The following SEMA3F variants were observed in gnomAD, a reference collection of about 807,000 sequenced individuals.
SEMA3F encodes semaphorin 3F, also known as semaphorin-3F.
SEMA3F carries 30 observed loss-of-function variants against 98.5 expected under a neutral mutation model. The observed-to-expected ratio is 0.30, with a 90% CI of 0.23 to 0.41. SEMA3F has a LOEUF of 0.41. Among genes scored for constraint, SEMA3F ranks in the 10% least tolerant of loss-of-function variants. The pLI, the probability that SEMA3F is intolerant of heterozygous loss-of-function variation, is 1.00. For synonymous variants in SEMA3F, 380 were observed against 444.8 expected (o/e 0.85, Z 1.83); for missense variants, 866 against 1,119.3 (o/e 0.77, Z 3.23).
At chr3:50,184,849 G>T (rs1360520124) in intron 13 of SEMA3F, 35 bp downstream of exon 13, 1 of 1,535,524 alleles carries the variant, frequency 6.5e-7, no homozygotes. Flanking sequence ...TCCCACGCTG[G>T]GCCCACCGGG....
intron 2 of SEMA3F, among the ~76,000 whole-genome samples, chr3:50,164,915 G>A (rs1432650935): frequency 6.6e-6 from 1 of 152,244 alleles, no homozygotes; most frequent in Non-Finnish European, 1.5e-5. Flanking sequence ...TGTGAGTATG[G>A]TCACTGTGGA....
chr3:50,170,362 C>T (rs1698556870), intron 2 of SEMA3F, among the ~76,000 whole-genome samples: 1 of 152,080 alleles, frequency 6.6e-6, no homozygotes, highest in African/African-American at 2.4e-5. Flanking sequence ...CTCTTCCTGC[C>T]TTATAGCCCT....
At chr3:50,160,861 T>C (rs1698179826) in intron 2 of SEMA3F, among the ~76,000 whole-genome samples, 3 of 152,250 alleles carry the variant, frequency 2.0e-5, no homozygotes, top group Admixed American at 2.0e-4. Context: ...AAGCTGCTTA[T>C]CATCACTCTT....
In SEMA3F at chr3:50,156,919, A is replaced by G. The variant is rs1014503158; in HGVS notation, c.-49+1355A>G. 4.6e-5 allele frequency among the ~76,000 whole-genome samples: 7 copies of G among 151,714 alleles called. No individual in the cohort carries two copies. Among genetic ancestry groups the G allele is most frequent in the Admixed American group, 3.9e-4 (6 of 15,240 alleles). ...CAAAAGGGGGGTTTCAGTCCCAGCT[A>G]TGCTGGGGTGGCTCTGCTTCCTGGT... On this transcript the variant is annotated intron_variant, in intron 1 of 18. Transcript: ENST00000002829. The surrounding 1 kb of genome is among the most constrained non-coding windows in gnomAD (Gnocchi z 4.5).
chr3:50,172,947 G>A (rs1232112895), intron 2 of SEMA3F, among the ~76,000 whole-genome samples: 1 of 152,200 alleles, frequency 6.6e-6, no homozygotes, highest in Non-Finnish European at 1.5e-5. Flanking sequence ...GAGCGTGGGA[G>A]CATTAACCCC....
intron 2 of SEMA3F, among the ~76,000 whole-genome samples, chr3:50,171,163 A>G (rs988722936): frequency 6.6e-6 from 1 of 152,142 alleles, no homozygotes; most frequent in Non-Finnish European, 1.5e-5. Flanking sequence ...ACCTCCACCC[A>G]GGGGCAGACT....
In SEMA3F at chr3:50,174,284, G is replaced by C. The variant is rs543688948; in HGVS notation, c.390G>C (p.Leu130=). 20 of 1,613,572 alleles carry C rather than the reference G, an allele frequency of 1.2e-5. No individual in the cohort carries two copies. In the South Asian group the frequency reaches 1.9e-4, roughly 15 times the overall value. The part of the protein sequence containing the change: ...RLIQPWNRTH[L]YVCGTGAYNP... ...TCCAGCCCTGGAACCGAACACACCT[G>C]TATGTGTGCGGGACAGGTGCCTACA... Residue 130 remains leucine, a synonymous_variant, in exon 5 of 19, where the codon CTG becomes CTC. Transcript: ENST00000002829.
Position 50,188,174 on chromosome 3 carries a change from G to T in SEMA3F, c.*59G>T, listed in dbSNP as rs1330861833. 20 of 299,252 alleles carry T rather than the reference G, an allele frequency of 6.7e-5. No individual in the cohort carries two copies. The highest frequency in any genetic ancestry group is 4.4e-4 in the East Asian group (6 of 13,540). 18.5% of individuals were successfully genotyped at this position (299,252 alleles called of 1,614,324 possible). A position where few individuals can be genotyped will look rare whatever the true frequency, so the allele number is the denominator to read the frequency against. On this transcript the variant is annotated 3_prime_UTR_variant, in exon 19 of 19. Coordinates refer to ENST00000002829, the MANE Select transcript of SEMA3F (RefSeq NM_004186.5). This position sits in a 1 kb window ranked among gnomAD's most constrained non-coding sequence, Gnocchi z 4.5. ...AGCCCTTGTCCCTTTTAATATAAAAGATATATATATATATATATATATATA... is the reference window on the plus strand; with the variant it reads ...AGCCCTTGTCCCTTTTAATATAAAATATATATATATATATATATATATATA...
chr3:50,180,374 G>A (rs1457465018), intron 7 of SEMA3F, among the ~76,000 whole-genome samples: 1 of 151,956 alleles, frequency 6.6e-6, no homozygotes, highest in African/African-American at 2.4e-5. Context: ...TGTTGGCCAG[G>A]CTGGTCTCCT....
chr3:50,185,951 G>T lies in SEMA3F; in HGVS notation c.1650G>T (p.Ala550=), dbSNP rs551534833. The T allele has an allele frequency of 6.2e-7, 1 of 1,614,048 alleles. No homozygotes were observed. Among genetic ancestry groups the T allele is most frequent in the East Asian group, 2.2e-5 (1 of 44,876 alleles). Residue 550 remains alanine, a synonymous_variant, in exon 16 of 19, where the codon GCG becomes GCT. Transcript: ENST00000002829. ...ACCTGAGCCTGCACCGCTGCCAGGC[G>T]TATGGGGCTGCCTGTGCTGACTGCT... ...VTHLSLHRCQ[A]YGAACADCCL...
At position 50,175,258 on chromosome 3, in the gene SEMA3F, C is replaced by T. The variant is rs568142026; in HGVS notation, c.549+70C>T. The stretch of plus-strand genomic sequence containing the variant: ...GAGCGGAACTCACCCTGGGCCTGCA[C>T]CTGAGGCCAGCCTCCCCAGGGCCTC... On this transcript the variant is annotated intron_variant, in intron 6 of 18. Coordinates refer to ENST00000002829, the MANE Select transcript of SEMA3F (RefSeq NM_004186.5). 5.3e-6 allele frequency: 6 copies of T among 1,134,378 alleles called. No homozygotes were observed. In the Admixed American group the frequency reaches 6.0e-5, roughly 11 times the overall value. 70.3% of individuals were successfully genotyped at this position (1,134,378 alleles called of 1,614,324 possible).
chr3:50,166,444 C>T lies in SEMA3F; in HGVS notation c.112+6710C>T, dbSNP rs886829728. On this transcript the variant is annotated intron_variant, in intron 2 of 18. Transcript: ENST00000002829. This position sits in a 1 kb window ranked among gnomAD's most constrained non-coding sequence, Gnocchi z 4.7. The stretch of plus-strand genomic sequence containing the variant: ...CTGCCTGTATTGCCATTTTTATCAG[C>T]GCCTTCCTGGCTGGGCCTGGGGCCT... Among the ~76,000 whole-genome samples the T allele has an allele frequency of 1.3e-5, 2 of 152,198 alleles. No homozygotes were observed. Among genetic ancestry groups the T allele is most frequent in the African/African-American group, 2.4e-5 (1 of 41,446 alleles).
chr3:50,181,605 A>G (rs1699019747), intron 7 of SEMA3F, among the ~76,000 whole-genome samples: 1 of 149,432 alleles, frequency 6.7e-6, no homozygotes, highest in East Asian at 2.0e-4. Context: ...TACAGGAGGC[A>G]TAAGCCACCA....
intron 2 of SEMA3F, chr3:50,173,510 C>G: frequency 2.5e-6 from 1 of 406,734 alleles, no homozygotes; most frequent in South Asian, 3.6e-5. Context: ...GGTGTGGTGG[C>G]TGACGCCTGT....
chr3:50,172,330 GTTCC>G lies in SEMA3F; in HGVS notation c.113-1462_113-1459del, dbSNP rs1698644797. 2.0e-5 allele frequency among the ~76,000 whole-genome samples: 3 copies of G among 152,268 alleles called. No individual in the cohort carries two copies. The East Asian group carries it at 5.8e-4, about 29-fold the overall frequency. ...GAATATTCATCATCCTCATTACAGT[GTTCC>G]CTCTTTTGCTGAGCTAAAGATAGCT... On this transcript the variant is annotated intron_variant, in intron 2 of 18. Transcript: ENST00000002829.
chr3:50,179,938 A>G (rs560857146), intron 7 of SEMA3F, among the ~76,000 whole-genome samples: 1 of 152,344 alleles, frequency 6.6e-6, no homozygotes, highest in South Asian at 2.1e-4. Context: ...CACGTAAACC[A>G]GTAAAACTTT....
In SEMA3F at chr3:50,182,560, T is replaced by G. The variant is rs942578247; in HGVS notation, c.764-84T>G. The G allele has an allele frequency of 1.3e-6, 2 of 1,583,440 alleles. No individual in the cohort carries two copies. Among genetic ancestry groups the G allele is most frequent in the Non-Finnish European group, 1.7e-6 (2 of 1,160,560 alleles). The stretch of plus-strand genomic sequence containing the variant: ...TCTGGAGAGGAGTTGGGGGTGTTCT[T>G]GCACCTGGCTGGGGATTCTGTTGGA... On this transcript the variant is annotated intron_variant, in intron 8 of 18. Transcript: ENST00000002829. This position sits in a 1 kb window ranked among gnomAD's most constrained non-coding sequence, Gnocchi z 4.5.
At chr3:50,165,907 G>A (rs756704230) in intron 2 of SEMA3F, among the ~76,000 whole-genome samples, 2 of 152,188 alleles carry the variant, frequency 1.3e-5, no homozygotes, top group Non-Finnish European at 2.9e-5. Context: ...TAGGATTGGG[G>A]GGCTAGCCTG....
intron 2 of SEMA3F, among the ~76,000 whole-genome samples, chr3:50,171,846 G>C (rs1211481303): frequency 6.6e-6 from 1 of 152,184 alleles, no homozygotes. Flanking sequence ...AGGCAGGATC[G>C]GCCCTTTGAT....
Sources: gnomAD v4.1 joint callset for allele counts (sites outside exome capture counted in the v4.1 genomes callset) on GRCh38, gnomAD v4.1.1 for gene constraint, Gnocchi (gnomAD v3.1) non-coding constraint, MANE v1.5 for transcripts, NCBI Gene and HGNC (gene_info 2026-07-23, HGNC 2026-07-21) for gene names.